RGL4: variants seen among roughly 807,000 people sequenced by gnomAD.
The protein encoded by RGL4 is ral-GDS-related protein.
A neutral mutation model predicts 49.6 loss-of-function variants in RGL4; 41 were observed. The observed-to-expected ratio is 0.83, with a 90% CI of 0.64 to 1.07. The LOEUF is 1.07. Ranked by LOEUF, RGL4 falls within the 50% of genes least tolerant of loss-of-function variation. RGL4 has a pLI of 0.00. For missense variants in RGL4, 610 were observed against 591.9 expected (o/e 1.03, Z -0.32); for synonymous variants, 255 against 238.0 (o/e 1.07, Z -0.66).
chr22:23,694,207 C>G (rs189801215), intron 4 of RGL4, 140 bp from the exon 5 acceptor site: 8 of 745,932 alleles, frequency 1.1e-5, no homozygotes, highest in African/African-American at 1.0e-4. Flanking sequence ...TGAGTGACAT[C>G]CACTCGGCCC....
At chr22:23,693,575 T>C (rs1236534854) in intron 3 of RGL4, among the ~76,000 whole-genome samples, 184 bp from the exon 4 acceptor site, 3 of 152,090 alleles carry the variant, frequency 2.0e-5, no homozygotes, top group African/African-American at 7.2e-5. Context: ...TTCAGGTCCC[T>C]CGGGGGCAGA....
chr22:23,692,577 G>T, intron 2 of RGL4, 49 bp downstream of exon 2: 1 of 1,587,206 alleles, frequency 6.3e-7, no homozygotes. Flanking sequence ...GTGTTTTGGG[G>T]CTACAATTCC....
Position 23,692,743 on chromosome 22 carries a change from C to G in RGL4, c.448C>G (p.Leu150Val), listed in dbSNP as rs1923219232. ...GCCAGCACCACCACTGCTGGCGGAC[C>G]TGGGGCCTGCTCTGGAGCCAGAGTC... ...LEPAPPLLADLGPALEPESPA... is the reference protein window; with the variant it reads ...LEPAPPLLADVGPALEPESPA... The change falls in exon 3 of 11, where the codon CTG becomes GTG. Residue 150 changes from leucine to valine, a missense_variant. Physicochemically the swap from Leu to Val is conservative, Grantham distance 32. Transcript: ENST00000290691. 1 of 1,613,406 alleles carries G rather than the reference C, an allele frequency of 6.2e-7. No individual in the cohort carries two copies. Among genetic ancestry groups the G allele is most frequent in the South Asian group, 1.1e-5 (1 of 91,088 alleles).
chr22:23,699,147 A>G lies in RGL4; in HGVS notation c.*264A>G. Reference sequence around the variant, plus strand: ...TAAGGGTTTTTTCTTAACTTTCGTTAAAATAAAATTTTAAAAAACTATTCA... The same window carrying G: ...TAAGGGTTTTTTCTTAACTTTCGTTGAAATAAAATTTTAAAAAACTATTCA... On this transcript the variant is annotated 3_prime_UTR_variant, in exon 11 of 11. Transcript: ENST00000290691. 2 of 1,439,284 alleles carry G rather than the reference A, an allele frequency of 1.4e-6. No homozygotes were observed. The highest frequency in any genetic ancestry group is 1.8e-6 in the Non-Finnish European group (2 of 1,095,814). The allele number at this position is 1,439,284 out of a possible 1,614,324, so 89.2% of individuals were successfully genotyped here. A position where few individuals can be genotyped will look rare whatever the true frequency, so the allele number is the denominator to read the frequency against.
intron 6 of RGL4, chr22:23,695,623 T>C (rs1923440918): frequency 2.9e-6 from 1 of 342,524 alleles, no homozygotes; most frequent in Non-Finnish European, 5.8e-6. Context: ...ACGTAGCTGT[T>C]TGCTGGGACT....
At position 23,694,971 on chromosome 22, in the gene RGL4, A is replaced by G; in HGVS notation, c.1038A>G (p.Lys346=). 1 of 1,613,608 alleles carries G rather than the reference A, an allele frequency of 6.2e-7. No homozygotes were observed. The highest frequency in any genetic ancestry group is 1.1e-5 in the South Asian group (1 of 91,056). Residue 346 remains lysine, a synonymous_variant, in exon 6 of 11, where the codon AAA becomes AAG. Transcript: ENST00000290691. The stretch of plus-strand genomic sequence containing the variant: ...ATAGCAAAAGCATGAAAGAGCTAAA[A>G]GAACTCTGCAAAAAAGACACTGCAG... The part of the protein sequence containing the change: ...GVSSKSMKEL[K]ELCKKDTAVK...
At position 23,696,673 on chromosome 22, in the gene RGL4, G is replaced by A. The variant is rs1477436461; in HGVS notation, c.1146G>A (p.Leu382=). Residue 382 remains leucine, a synonymous_variant, in exon 7 of 11, where the codon CTG becomes CTA. Transcript: ENST00000290691. ...ERNPQRVQMR[L]RRQKKGVVPF... ...ACCCCCAGAGAGTCCAGATGAGGCT[G>A]CGGAGGCAGAAGAAGGTGAGTGAGC... 2 of 1,613,262 alleles carry A rather than the reference G, an allele frequency of 1.2e-6. No homozygotes were observed. The highest frequency in any genetic ancestry group is 1.1e-5 in the South Asian group (1 of 91,060).
chr22:23,693,199 G>A (rs1923253556), intron 3 of RGL4: 2 of 830,244 alleles, frequency 2.4e-6, no homozygotes, highest in Non-Finnish European at 3.6e-6. Context: ...TGCACAGAGT[G>A]ACTGTGCAGA....
Position 23,691,852 on chromosome 22 carries a change from T to A in RGL4, c.-179T>A, listed in dbSNP as rs1242775442. On this transcript the variant is annotated 5_prime_UTR_variant, in exon 1 of 11. Coordinates refer to ENST00000290691, the MANE Select transcript of RGL4 (RefSeq NM_153615.2). ...CCCCCACAAGAGGCAAATAGTGAGT[T>A]CTGTAAATGGAGACTTAGGTCCCCT... 1.7e-6 allele frequency: 1 copy of A among 584,618 alleles called. No homozygotes were observed. Among genetic ancestry groups the A allele is most frequent in the African/African-American group, 1.9e-5 (1 of 53,770 alleles). 36.2% of individuals were successfully genotyped at this position (584,618 alleles called of 1,614,324 possible). A position where few individuals can be genotyped will look rare whatever the true frequency, so the allele number is the denominator to read the frequency against.
chr22:23,698,165 A>G, intron 9 of RGL4, 47 bp from the exon 10 acceptor site: 1 of 1,577,892 alleles, frequency 6.3e-7, no homozygotes, highest in Non-Finnish European at 8.6e-7. Context: ...AGGCCCCCAC[A>G]GCAACTTCCA....
chr22:23,698,063 T>G, intron 9 of RGL4, 149 bp from the exon 10 acceptor site: 1 of 1,237,292 alleles, frequency 8.1e-7, no homozygotes, highest in Non-Finnish European at 1.1e-6. Flanking sequence ...GAGGGGCTGT[T>G]TATATCCAAC....
chr22:23,698,416 C>G (rs1344108238), intron 10 of RGL4, 83 bp downstream of exon 10: 1 of 1,482,060 alleles, frequency 6.7e-7, no homozygotes, highest in South Asian at 1.2e-5. Context: ...GTCGCCCAGG[C>G]TGCACTGCAG....
At chr22:23,698,111 C>T in intron 9 of RGL4, 101 bp from the exon 10 acceptor site, 1 of 1,492,394 alleles carries the variant, frequency 6.7e-7, no homozygotes, top group Non-Finnish European at 9.0e-7. Flanking sequence ...GGGACCCCTT[C>T]AGAAAACTGC....
intron 2 of RGL4, 41 bp from the exon 3 acceptor site, chr22:23,692,628 G>A (rs1298629188): frequency 6.4e-7 from 1 of 1,571,958 alleles, no homozygotes; most frequent in South Asian, 1.2e-5. Flanking sequence ...GGAAAACCCA[G>A]TGAAAAATGA....
chr22:23,697,869 G>C lies in RGL4; in HGVS notation c.1260+8G>C, dbSNP rs748578504. 34 of 1,605,622 alleles carry C rather than the reference G, an allele frequency of 2.1e-5. No homozygotes were observed. The highest frequency in any genetic ancestry group is 3.3e-4 in the Middle Eastern group (2 of 6,042). ...ACCAACAAGAGGAGCAAGGTGAGCA[G>C]CTGGGGCACTCACGTTGGATGAGGG... On this transcript the variant is annotated splice_region_variant and intron_variant, in intron 9 of 10. Transcript: ENST00000290691.
intron 9 of RGL4, 64 bp downstream of exon 9, chr22:23,697,925 GCAGGA>G: frequency 6.4e-7 from 1 of 1,552,410 alleles, no homozygotes; most frequent in East Asian, 2.3e-5. Context: ...TCCACCCTGG[GCAGGA>G]CACTCCCTGG....
At chr22:23,695,984 G>A (rs2123860610) in intron 6 of RGL4, among the ~76,000 whole-genome samples, 1 of 152,348 alleles carries the variant, frequency 6.6e-6, no homozygotes, top group African/African-American at 2.4e-5. Flanking sequence ...GTGGGGCTGG[G>A]ATAGGCAGGT....
rs764518087 is a variant in RGL4 at position 23,697,210 on chromosome 22, C to G, written c.1201C>G (p.Gln401Glu). Reference sequence around the variant, plus strand: ...CCTGGGGGATTTTCTGACTGAGTTACAGAGGCTGGATTCGGCCATCCCGGA... The same window carrying G: ...CCTGGGGGATTTTCTGACTGAGTTAGAGAGGCTGGATTCGGCCATCCCGGA... ...PFLGDFLTEL[Q>E]RLDSAIPDDL... The change falls in exon 8 of 11, where the codon CAG (glutamine) becomes GAG (glutamate). Residue 401 changes from glutamine (Q) to glutamate (E), a missense_variant. Transcript: ENST00000290691. 1 of 1,613,500 alleles carries G rather than the reference C, an allele frequency of 6.2e-7. No homozygotes were observed. Among genetic ancestry groups the G allele is most frequent in the South Asian group, 1.1e-5 (1 of 91,044 alleles).
intron 6 of RGL4, 160 bp downstream of exon 6, chr22:23,695,179 C>A: frequency 1.7e-6 from 1 of 572,958 alleles, no homozygotes; most frequent in South Asian, 1.8e-5. Flanking sequence ...CTACCTTGGG[C>A]CAACAGGAAG....
Sources: gnomAD v4.1 joint callset for allele counts (sites outside exome capture counted in the v4.1 genomes callset) on GRCh38, gnomAD v4.1.1 for gene constraint, MANE v1.5 for transcripts, NCBI Gene and HGNC (gene_info 2026-07-23, HGNC 2026-07-21) for gene names.